Variants in ZNF527 observed in about 807,000 individuals in gnomAD.
The protein encoded by ZNF527 is zinc finger protein 527.
ZNF527 carries 5 observed loss-of-function variants against 13.5 expected under a neutral mutation model. That is an observed-to-expected ratio of 0.37 (90% CI 0.19 to 0.78). The LOEUF (loss-of-function observed/expected upper bound fraction) is 0.78. ZNF527 is among the 30% of genes least tolerant of loss of function. The pLI, the probability that ZNF527 is intolerant of heterozygous loss-of-function variation, is 0.48. For missense variants in ZNF527, 628 were observed against 726.4 expected, an observed-to-expected ratio of 0.86 and a Z score of 1.56; for synonymous variants, 209 against 243.1, an observed-to-expected ratio of 0.86 and a Z score of 1.30.
chr19:37,389,873 G>A lies in ZNF527; in HGVS notation c.1824G>A (p.Thr608=), dbSNP rs779034783. ...RRHQRIHNRE[T]L is the part of the protein sequence containing the mutation. ...ATCAGAGAATTCATAATAGAGAAACGCTCTGATTATAACAAGTATAGGAAA... is the reference window on the plus strand; with the variant it reads ...ATCAGAGAATTCATAATAGAGAAACACTCTGATTATAACAAGTATAGGAAA... The change falls in exon 5 of 5, where the codon ACG becomes ACA. Residue 608 remains threonine (T), a synonymous_variant. Transcript: ENST00000436120. 8.8e-6 allele frequency: 14 copies of A among 1,586,390 alleles called. No homozygotes were observed. In the South Asian group the frequency reaches 9.3e-5, roughly 11 times the overall value.
Position 37,389,175 on chromosome 19 carries a change from CA to C in ZNF527, c.1127del (p.His376LeufsTer52), listed in dbSNP as rs771187739. On this transcript the variant is annotated frameshift_variant, in exon 5 of 5. Coordinates refer to ENST00000436120, the MANE Select transcript of ZNF527 (RefSeq NM_032453.2). LOFTEE classifies it low-confidence loss of function (END_TRUNC). ...TAGCCGTTATGCCTTCCTTGTTGAA[CA>C]TCAGAGAATTCACACAGGTGAGAAA... is the stretch of plus-strand genomic sequence containing the variant. ...AFSRYAFLVE[H>X]QRIHTGEKPY... The C allele has an allele frequency of 6.2e-7, 1 of 1,614,128 alleles. No individual in the cohort carries two copies.
At chr19:37,384,924 C>G in intron 4 of ZNF527, 1 of 701,912 alleles carries the variant, frequency 1.4e-6, no homozygotes, top group South Asian at 1.5e-5. Context: ...CTCACTGCAG[C>G]CTATACCTAC....
intron 4 of ZNF527, among the ~76,000 whole-genome samples, chr19:37,382,070 C>T (rs2040658208): frequency 6.6e-6 from 1 of 152,142 alleles, no homozygotes; most frequent in Non-Finnish European, 1.5e-5. Context: ...TGCCCCCATG[C>T]ATTTTTTGGG....
chr19:37,379,432 C>T, intron 3 of ZNF527, 186 bp downstream of exon 3: 1 of 465,724 alleles, frequency 2.1e-6, no homozygotes, highest in Non-Finnish European at 3.5e-6. Context: ...TTACTTTTGG[C>T]AGACATTCTG....
At position 37,389,541 on chromosome 19, in the gene ZNF527, T is replaced by C; in HGVS notation, c.1492T>C (p.Phe498Leu). Residue 498 changes from phenylalanine (F) to leucine (L), a missense_variant, in exon 5 of 5, where the codon TTT (phenylalanine) becomes CTT (leucine). Physicochemically the swap from Phe to Leu is conservative, Grantham distance 22. Around this residue, in one of 3 missense-constraint regions of ZNF527, gnomAD observed 592 missense variants for 678.0 expected, o/e 0.87. Transcript: ENST00000436120. ...TAGAATTCACACTGGAGAGAGACCA[T>C]TTGAATGCAGTAAATGTGGGAAAGC... ...HHRIHTGERP[F>L]ECSKCGKAFS... The C allele has an allele frequency of 6.2e-7, 1 of 1,614,190 alleles. No individual in the cohort carries two copies.
In ZNF527 at chr19:37,389,047, AG is replaced by A; in HGVS notation, c.1000del (p.Glu334AsnfsTer94). On this transcript the variant is annotated frameshift_variant, in exon 5 of 5. Coordinates refer to ENST00000436120, the MANE Select transcript of ZNF527 (RefSeq NM_032453.2). LOFTEE classifies it low-confidence loss of function (END_TRUNC). ...THIGEKPYEC[K>X]ECNKAFRQSA... Reference sequence around the variant, plus strand: ...ATTGGGGAGAAACCTTATGAATGTAAGGAATGTAACAAAGCTTTCAGACAGA... The same window carrying A: ...ATTGGGGAGAAACCTTATGAATGTAAGAATGTAACAAAGCTTTCAGACAGA... 1 of 1,614,226 alleles carries A rather than the reference AG, an allele frequency of 6.2e-7. No homozygotes were observed. The highest frequency in any genetic ancestry group is 8.5e-7 in the Non-Finnish European group (1 of 1,180,040).
chr19:37,375,288 T>TTC (rs1402113982), intron 2 of ZNF527, among the ~76,000 whole-genome samples: 31 of 131,108 alleles, frequency 2.4e-4, no homozygotes, highest in African/African-American at 9.6e-4. Context: ...CTTTCTTTCT[T>TTC]TCTTTCTTTC....
At chr19:37,388,093 C>T (rs1568697290) in intron 4 of ZNF527, among the ~76,000 whole-genome samples, 1 of 152,188 alleles carries the variant, frequency 6.6e-6, no homozygotes. Context: ...ACCTCCCTAT[C>T]GTCAACACAT....
chr19:37,374,318 A>G (rs1410024078), intron 2 of ZNF527, 87 bp downstream of exon 2: 47 of 1,207,544 alleles, frequency 3.9e-5, no homozygotes, highest in Admixed American at 2.2e-4. Context: ...AAATAGCCCA[A>G]TGAGCACCCC....
Position 37,389,952 on chromosome 19 carries a change from G to T in ZNF527, c.*73G>T. 6.7e-7 allele frequency: 1 copy of T among 1,487,430 alleles called. No homozygotes were observed. The highest frequency in any genetic ancestry group is 8.9e-7 in the Non-Finnish European group (1 of 1,124,132). The allele number at this position is 1,487,430 out of a possible 1,614,324, so 92.1% of individuals were successfully genotyped here. ...ATTAAATATTAGTGAGTTCTTTTTGGTTAGTAATTCTTTGAATGTAGTTCA... is the reference window on the plus strand; with the variant it reads ...ATTAAATATTAGTGAGTTCTTTTTGTTTAGTAATTCTTTGAATGTAGTTCA... On this transcript the variant is annotated 3_prime_UTR_variant, in exon 5 of 5. Transcript: ENST00000436120.
intron 2 of ZNF527, 23 bp from the exon 3 acceptor site, chr19:37,379,097 G>T: frequency 6.2e-7 from 1 of 1,613,920 alleles, no homozygotes; most frequent in South Asian, 1.1e-5. Flanking sequence ...GGCACCTGGT[G>T]AACAAGAATT....
intron 1 of ZNF527, among the ~76,000 whole-genome samples, chr19:37,372,405 G>A (rs944334475): frequency 2.0e-5 from 3 of 151,248 alleles, no homozygotes; most frequent in Admixed American, 1.3e-4. Context: ...AAATTAGGGG[G>A]TGATGTATAC....
At chr19:37,374,023 A>AC (rs61161652) in intron 1 of ZNF527, 135 bp from the exon 2 acceptor site, 654,768 of 654,774 alleles carry the variant, frequency 1, 327,381 homozygotes, top group African/African-American at 1. Context: ...CCACCCCGCC[A>AC]CCCTGGCCAG....
At chr19:37,380,410 A>T (rs940574889) in intron 4 of ZNF527, 38 bp downstream of exon 4, 1 of 1,578,620 alleles carries the variant, frequency 6.3e-7, no homozygotes, top group Non-Finnish European at 8.7e-7. Flanking sequence ...GACTATTGTA[A>T]GGTACTCAAC....
In ZNF527 at chr19:37,390,070, C is replaced by T. The variant is rs1360959156; in HGVS notation, c.*191C>T. The T allele has an allele frequency of 3.2e-6, 2 of 634,204 alleles. No homozygotes were observed. Among genetic ancestry groups the T allele is most frequent in the South Asian group, 2.5e-5 (1 of 40,576 alleles). The allele number at this position is 634,204 out of a possible 1,614,324, so 39.3% of individuals were successfully genotyped here. ...TTCAGACAGAGTCTCGCTCTGTTGCCCAGGCTGGAGTGCAGTGGTGTAATC... is the reference window on the plus strand; with the variant it reads ...TTCAGACAGAGTCTCGCTCTGTTGCTCAGGCTGGAGTGCAGTGGTGTAATC... On this transcript the variant is annotated 3_prime_UTR_variant, in exon 5 of 5. Transcript: ENST00000436120.
At chr19:37,385,007 G>T (rs1600269799) in intron 4 of ZNF527, 3 of 699,948 alleles carry the variant, frequency 4.3e-6, no homozygotes, top group Non-Finnish European at 2.6e-6. Flanking sequence ...TATTTTTCTT[G>T]TAGAGACGAG....
chr19:37,373,289 G>A (rs1201322727), intron 1 of ZNF527, among the ~76,000 whole-genome samples: 1 of 152,192 alleles, frequency 6.6e-6, no homozygotes, highest in African/African-American at 2.4e-5. Context: ...GTTTGTGATT[G>A]GGTGAGAATT....
At chr19:37,386,644 T>C (rs1414398302) in intron 4 of ZNF527, among the ~76,000 whole-genome samples, 2 of 152,202 alleles carry the variant, frequency 1.3e-5, no homozygotes, top group Non-Finnish European at 2.9e-5. Context: ...TACAGTCTTT[T>C]AATCAAGGGG....
At chr19:37,382,652 AG>A (rs1463525356) in intron 4 of ZNF527, among the ~76,000 whole-genome samples, 2 of 152,172 alleles carry the variant, frequency 1.3e-5, no homozygotes, top group Non-Finnish European at 2.9e-5. Flanking sequence ...TTAGTCTTAT[AG>A]TGTCCAGTCA....
Sources: allele counts gnomAD v4.1 joint callset (sites outside exome capture counted in the v4.1 genomes callset), GRCh38; gene constraint gnomAD v4.1.1; regional missense constraint gnomAD v4.1.1; transcripts MANE v1.5; gene names NCBI Gene and HGNC (gene_info 2026-07-23, HGNC 2026-07-21).